KCNB2: variants seen among roughly 807,000 people sequenced by gnomAD.
KCNB2 encodes delayed rectifier potassium channel protein.
KCNB2 carries 15 observed loss-of-function variants against 61.5 expected under a neutral mutation model. The ratio of observed to expected loss-of-function variants is 0.24; its 90% CI spans 0.16 to 0.38. The LOEUF is 0.38. KCNB2 is among the 10% of genes least tolerant of loss of function. The pLI is 1.00. For synonymous variants in KCNB2, 457 were observed against 446.0 expected, an observed-to-expected ratio of 1.02 and a Z score of -0.31; for missense variants, 828 against 1,125.2, an observed-to-expected ratio of 0.74 and a Z score of 3.78.
chr8:72,805,126 T>C (rs1014596817), intron 2 of KCNB2, among the ~76,000 whole-genome samples: 1 of 152,208 alleles, frequency 6.6e-6, no homozygotes, highest in Admixed American at 6.5e-5. Context: ...CTGAGGATCA[T>C]GTGCGTTCAT....
intron 2 of KCNB2, among the ~76,000 whole-genome samples, chr8:72,909,821 T>C (rs1806254388): frequency 6.6e-6 from 1 of 152,174 alleles, no homozygotes; most frequent in Non-Finnish European, 1.5e-5. Flanking sequence ...CACTACGGGA[T>C]GGTGGGACCT....
chr8:72,588,432 A>G (rs1208046469), intron 2 of KCNB2, among the ~76,000 whole-genome samples: 1 of 151,446 alleles, frequency 6.6e-6, no homozygotes, highest in Non-Finnish European at 1.5e-5. Context: ...GGTCAGGCTG[A>G]CCTCAGGTGA....
At chr8:72,620,339 C>T (rs553110908) in intron 2 of KCNB2, among the ~76,000 whole-genome samples, 13 of 152,294 alleles carry the variant, frequency 8.5e-5, no homozygotes, top group African/African-American at 2.4e-4. Flanking sequence ...AAGAAGAGGC[C>T]GTTTTATAGC....
At chr8:72,794,321 C>T (rs1008130998) in intron 2 of KCNB2, among the ~76,000 whole-genome samples, 1 of 152,052 alleles carries the variant, frequency 6.6e-6, no homozygotes, top group African/African-American at 2.4e-5. Context: ...AATCCCAGCA[C>T]TTTGGGAGGC....
At chr8:72,736,310 A>G (rs1286793899) in intron 2 of KCNB2, among the ~76,000 whole-genome samples, 1 of 152,028 alleles carries the variant, frequency 6.6e-6, no homozygotes, top group Non-Finnish European at 1.5e-5. Context: ...TCTGGCCCCA[A>G]GATGTTTGGA....
chr8:72,917,227 A>G (rs980286985), intron 2 of KCNB2, among the ~76,000 whole-genome samples: 1 of 152,244 alleles, frequency 6.6e-6, no homozygotes, highest in Admixed American at 6.5e-5. Context: ...TGAATAAATC[A>G]AAGTGAAATA....
intron 2 of KCNB2, among the ~76,000 whole-genome samples, chr8:72,934,429 AG>A (rs1450407067): frequency 3.3e-5 from 5 of 151,616 alleles, no homozygotes; most frequent in Non-Finnish European, 7.4e-5. Flanking sequence ...AGGAGACATA[AG>A]AGGAGAAAGG....
At position 72,934,481 on chromosome 8, in the gene KCNB2, G is replaced by A. The variant is rs531705552; in HGVS notation, c.580-1454G>A. 1.3e-3 allele frequency among the ~76,000 whole-genome samples: 193 copies of A among 150,870 alleles called. 3 individuals carry two copies. The East Asian group carries it at 0.031, about 24-fold the overall frequency. On this transcript the variant is annotated intron_variant, in intron 2 of 2. Coordinates refer to ENST00000523207, the MANE Select transcript of KCNB2 (RefSeq NM_004770.3). ...AATAACCCAGAAGTGGAGAAATTTAGAGAGATTAAAAAGAAGAAAATGCAG... is the reference window on the plus strand; with the variant it reads ...AATAACCCAGAAGTGGAGAAATTTAAAGAGATTAAAAAGAAGAAAATGCAG...
At chr8:72,740,181 A>T (rs1276285140) in intron 2 of KCNB2, among the ~76,000 whole-genome samples, 1 of 152,182 alleles carries the variant, frequency 6.6e-6, no homozygotes, top group African/African-American at 2.4e-5. Context: ...AATTCAGATC[A>T]AGTTGAATTA....
At position 72,718,070 on chromosome 8, in the gene KCNB2, T is replaced by C. The variant is rs879539377; in HGVS notation, c.579+149757T>C. On this transcript the variant is annotated intron_variant, in intron 2 of 2. Coordinates refer to ENST00000523207, the MANE Select transcript of KCNB2 (RefSeq NM_004770.3). ...CAAAAAACACATGAAAAAATGCTCA[T>C]CATCACTGGCCATCAGAGAAATGCA... Among the ~76,000 whole-genome samples the C allele has an allele frequency of 6.1e-3, 922 of 152,082 alleles. 9 individuals carry two copies. Among genetic ancestry groups the C allele is most frequent in the Non-Finnish European group, 9.0e-3 (610 of 67,958 alleles).
chr8:72,907,273 C>A (rs540409842), intron 2 of KCNB2, among the ~76,000 whole-genome samples: 1 of 152,258 alleles, frequency 6.6e-6, no homozygotes, highest in African/African-American at 2.4e-5. Context: ...AGGAAAATCA[C>A]TTGAACCCAG....
chr8:72,599,575 C>T (rs1441095773), intron 2 of KCNB2, among the ~76,000 whole-genome samples: 1 of 152,104 alleles, frequency 6.6e-6, no homozygotes, highest in African/African-American at 2.4e-5. Context: ...AAAGCAATGG[C>T]AACAAAAGCC....
At chr8:72,550,466 A>G (rs1806330307) in intron 1 of KCNB2, among the ~76,000 whole-genome samples, 1 of 152,162 alleles carries the variant, frequency 6.6e-6, no homozygotes. Context: ...TTGCAGTGCT[A>G]ATTGCAGTGA....
At chr8:72,669,397 T>C (rs145512995) in intron 2 of KCNB2, among the ~76,000 whole-genome samples, 1 of 152,296 alleles carries the variant, frequency 6.6e-6, no homozygotes, top group East Asian at 1.9e-4. Context: ...ATTTAACTAA[T>C]GATGACTATA....
intron 2 of KCNB2, among the ~76,000 whole-genome samples, chr8:72,780,097 G>T (rs1162242484): frequency 6.6e-6 from 1 of 152,136 alleles, no homozygotes; most frequent in African/African-American, 2.4e-5. Flanking sequence ...GTTCAAAGCT[G>T]TAAGTGGAAT....
At chr8:72,569,493 A>G (rs1184228666) in intron 2 of KCNB2, among the ~76,000 whole-genome samples, 26 of 152,334 alleles carry the variant, frequency 1.7e-4, no homozygotes, top group East Asian at 3.9e-4. Context: ...AAGGCATTTT[A>G]CTTTCCAGCC....
At chr8:72,932,884 C>T (rs1806818785) in intron 2 of KCNB2, among the ~76,000 whole-genome samples, 1 of 152,126 alleles carries the variant, frequency 6.6e-6, no homozygotes, top group African/African-American at 2.4e-5. Flanking sequence ...TTGCATTTGG[C>T]TCATTGCACC....
chr8:72,811,650 A>G lies in KCNB2; in HGVS notation c.580-124285A>G, dbSNP rs371827985. On this transcript the variant is annotated intron_variant, in intron 2 of 2. Coordinates refer to ENST00000523207, the MANE Select transcript of KCNB2 (RefSeq NM_004770.3). ...TTCCAGGTAAACATTTCCTTTTTTT[A>G]GTTTGGAAAGGAAATCTTTCTTTCT... 8.6e-5 allele frequency among the ~76,000 whole-genome samples: 13 copies of G among 151,594 alleles called. No homozygotes were observed. In the East Asian group the frequency reaches 2.5e-3, roughly 29 times the overall value.
At chr8:72,806,930 A>G (rs748118289) in intron 2 of KCNB2, among the ~76,000 whole-genome samples, 18 of 152,208 alleles carry the variant, frequency 1.2e-4, no homozygotes, top group Non-Finnish European at 2.6e-4. Context: ...TAAAGAATGT[A>G]TCACAGATCT....
Sources: allele counts gnomAD v4.1 joint callset (sites outside exome capture counted in the v4.1 genomes callset), GRCh38; gene constraint gnomAD v4.1.1; transcripts MANE v1.5; gene names NCBI Gene and HGNC (gene_info 2026-07-23, HGNC 2026-07-21).